Variants in CHCHD3 observed in about 807,000 individuals in gnomAD.
CHCHD3 encodes coiled-coil-helix-coiled-coil-helix domain containing 3.
CHCHD3 carries 20 observed loss-of-function variants against 38.2 expected under a neutral mutation model. The ratio of observed to expected loss-of-function variants is 0.52; its 90% CI spans 0.37 to 0.76. CHCHD3 has a LOEUF of 0.76. Among genes scored for constraint, CHCHD3 ranks in the 30% least tolerant of loss-of-function variants. The pLI is 0.00. For synonymous variants in CHCHD3, 82 were observed against 100.0 expected (o/e 0.82, Z 1.07); for missense variants, 245 against 279.2 (o/e 0.88, Z 0.87).
chr7:132,976,961 G>C (rs10249198), intron 3 of CHCHD3, among the ~76,000 whole-genome samples: 1,572 of 152,162 alleles, frequency 0.01, 29 homozygotes, highest in African/African-American at 0.036. Flanking sequence ...CTAGAAACAA[G>C]TTAAAATCTG....
At chr7:132,927,055 T>A (rs1057219251) in intron 4 of CHCHD3, among the ~76,000 whole-genome samples, 16 of 152,330 alleles carry the variant, frequency 1.1e-4, no homozygotes, top group African/African-American at 3.1e-4. Context: ...GAGGGAACTT[T>A]AGGGAGCACA....
At chr7:132,836,119 A>AT (rs148748759) in intron 6 of CHCHD3, among the ~76,000 whole-genome samples, 20,656 of 146,888 alleles carry the variant, frequency 0.14, 1,907 homozygotes, top group African/African-American at 0.27. Flanking sequence ...CATGTGTCTG[A>AT]TTTTTTTTTT....
chr7:132,960,266 G>A (rs1811283986), intron 4 of CHCHD3, among the ~76,000 whole-genome samples: 3 of 152,130 alleles, frequency 2.0e-5, no homozygotes, highest in Admixed American at 2.0e-4. Flanking sequence ...TTCAAAGAGA[G>A]GAGAGAGGAG....
chr7:132,803,158 C>T (rs28730552), intron 6 of CHCHD3, among the ~76,000 whole-genome samples: 1 of 152,024 alleles, frequency 6.6e-6, no homozygotes, highest in African/African-American at 2.4e-5. Flanking sequence ...ATAGAAGTAG[C>T]CCTTGGTTAT....
intron 6 of CHCHD3, among the ~76,000 whole-genome samples, chr7:132,814,292 G>T (rs1037908844): frequency 6.6e-6 from 1 of 152,162 alleles, no homozygotes; most frequent in Admixed American, 6.5e-5. Context: ...TAGACATGCC[G>T]GTGTTACTAA....
rs748470167 is a variant in CHCHD3, at chr7:132,820,611, G to GTTT, written c.524+17785_524+17787dup. ...CACAAACATGGGAAAATGTGCTAGT[G>GTTT]TTTTTTTTTTTTTTTTTTTTTTTTT... On this transcript the variant is annotated intron_variant, in intron 6 of 7. Transcript: ENST00000262570. 9.4e-3 allele frequency among the ~76,000 whole-genome samples: 907 copies of GTTT among 96,102 alleles called. 16 individuals carry two copies. The highest frequency in any genetic ancestry group is 0.027 in the African/African-American group (682 of 25,366). 63.0% of individuals were successfully genotyped at this position (96,102 alleles called of 152,430 possible).
intron 4 of CHCHD3, among the ~76,000 whole-genome samples, chr7:132,897,058 A>C (rs1227207978): frequency 6.6e-6 from 1 of 152,254 alleles, no homozygotes; most frequent in East Asian, 1.9e-4. Context: ...AGCTGTTGTG[A>C]GTACAGAGTG....
At chr7:132,834,134 CCT>C (rs1807718681) in intron 6 of CHCHD3, among the ~76,000 whole-genome samples, 1 of 152,122 alleles carries the variant, frequency 6.6e-6, no homozygotes, top group African/African-American at 2.4e-5. Flanking sequence ...GCGAAAAACC[CCT>C]GTCATGCAAT....
chr7:132,984,607 T>C (rs1444844852), intron 3 of CHCHD3, among the ~76,000 whole-genome samples: 1 of 147,494 alleles, frequency 6.8e-6, no homozygotes, highest in Non-Finnish European at 1.5e-5. Flanking sequence ...CCATCCCATC[T>C]AGGAAGTGAG....
In CHCHD3 at chr7:133,044,257, T is replaced by C. The variant is rs563135873; in HGVS notation, c.170-19630A>G. ...AATACTTAAATAATTGTTTTATTGG[T>C]TGATTTGTTAATAGAAATTAAAATG... On this transcript the variant is annotated intron_variant, in intron 2 of 7. Transcript: ENST00000262570. Among the ~76,000 whole-genome samples, 3 of 152,342 alleles carry C rather than the reference T, an allele frequency of 2.0e-5. No individual in the cohort carries two copies. In the East Asian group the frequency reaches 5.8e-4, roughly 29 times the overall value.
intron 4 of CHCHD3, among the ~76,000 whole-genome samples, chr7:132,956,258 C>G (rs1049392206): frequency 3.3e-5 from 5 of 152,216 alleles, no homozygotes; most frequent in Non-Finnish European, 5.9e-5. Context: ...TAAAATCTAT[C>G]AAGCATGGTG....
intron 5 of CHCHD3, among the ~76,000 whole-genome samples, chr7:132,865,587 T>C (rs868638976): frequency 3.9e-5 from 6 of 152,236 alleles, no homozygotes; most frequent in Middle Eastern, 3.4e-3. Context: ...ATTACAGCAG[T>C]TACTATTGTT....
intron 2 of CHCHD3, among the ~76,000 whole-genome samples, chr7:133,025,187 G>C (rs185252963): frequency 1.7e-4 from 26 of 152,284 alleles, no homozygotes; most frequent in Admixed American, 1.2e-3. Context: ...TCAAGTGCCA[G>C]CAACTGGAGA....
intron 5 of CHCHD3, among the ~76,000 whole-genome samples, chr7:132,866,912 C>T (rs1476240847): frequency 2.6e-5 from 4 of 152,170 alleles, no homozygotes; most frequent in Admixed American, 2.0e-4. Flanking sequence ...GCAGGCTTCT[C>T]CCCCAGGTAG....
intron 4 of CHCHD3, among the ~76,000 whole-genome samples, chr7:132,960,789 C>T (rs2117305841): frequency 6.6e-6 from 1 of 152,122 alleles, no homozygotes; most frequent in African/African-American, 2.4e-5. Flanking sequence ...CCAGCCTGGC[C>T]AACATGGTGA....
chr7:132,974,852 C>T (rs1029236203), intron 4 of CHCHD3, among the ~76,000 whole-genome samples: 25 of 149,846 alleles, frequency 1.7e-4, no homozygotes, highest in South Asian at 6.4e-4. Context: ...CTAGCCTAGG[C>T]GACAGAGCAA....
At chr7:132,990,614 TCTCAGTACA>T (rs1812251945) in intron 3 of CHCHD3, among the ~76,000 whole-genome samples, 1 of 152,114 alleles carries the variant, frequency 6.6e-6, no homozygotes. Context: ...AACATGAGAA[TCTCAGTACA>T]CTTCTGTAGA....
intron 3 of CHCHD3, among the ~76,000 whole-genome samples, chr7:132,983,506 G>A (rs1362854342): frequency 6.6e-6 from 1 of 152,164 alleles, no homozygotes; most frequent in Non-Finnish European, 1.5e-5. Context: ...CTATTGTAGC[G>A]AGCTCAGGAG....
At chr7:132,918,956 G>A (rs970362868) in intron 4 of CHCHD3, among the ~76,000 whole-genome samples, 1 of 152,116 alleles carries the variant, frequency 6.6e-6, no homozygotes, top group East Asian at 1.9e-4. Context: ...ATGTGCCATG[G>A]ACACTGCAAA....
Sources: gnomAD v4.1 joint callset for allele counts (sites outside exome capture counted in the v4.1 genomes callset) on GRCh38, gnomAD v4.1.1 for gene constraint, MANE v1.5 for transcripts, NCBI Gene and HGNC (gene_info 2026-07-23, HGNC 2026-07-21) for gene names.